The following PIK3R4 variants were observed in gnomAD, a reference collection of about 807,000 sequenced individuals.
The protein encoded by PIK3R4 is phosphoinositide 3-kinase regulatory subunit 4.
In PIK3R4, 46 loss-of-function variants were observed where a neutral mutation model predicts 136.5. The ratio of observed to expected loss-of-function variants is 0.34; its 90% CI spans 0.27 to 0.43. PIK3R4 has a LOEUF of 0.43. Among genes scored for constraint, PIK3R4 ranks in the 20% least tolerant of loss-of-function variants. PIK3R4 has a pLI of 1.00. For synonymous variants in PIK3R4, 557 were observed against 566.7 expected (o/e 0.98, Z 0.24); for missense variants, 1,331 against 1,649.5 (o/e 0.81, Z 3.35).
At chr3:130,738,465 C>T (rs949376960) in intron 2 of PIK3R4, among the ~76,000 whole-genome samples, 3 of 152,038 alleles carry the variant, frequency 2.0e-5, no homozygotes, top group Non-Finnish European at 4.4e-5. Flanking sequence ...ACAGAACACT[C>T]CACCCAACAA....
intron 16 of PIK3R4, among the ~76,000 whole-genome samples, chr3:130,682,119 T>C (rs1413964799): frequency 6.6e-6 from 1 of 152,184 alleles, no homozygotes; most frequent in Non-Finnish European, 1.5e-5. Flanking sequence ...TCCTATCCCC[T>C]GGAACCTGTG....
At chr3:130,718,169 A>G (rs577855960) in intron 8 of PIK3R4, among the ~76,000 whole-genome samples, 1 of 152,212 alleles carries the variant, frequency 6.6e-6, no homozygotes, top group Non-Finnish European at 1.5e-5. Context: ...TGTACGCTAC[A>G]TTAGATATAA....
intron 7 of PIK3R4, among the ~76,000 whole-genome samples, chr3:130,720,207 T>C (rs577502692): frequency 2.6e-5 from 4 of 152,194 alleles, no homozygotes; most frequent in Admixed American, 1.3e-4. Flanking sequence ...TCTTCCTTTT[T>C]TTTTTGAGAC....
Position 130,744,567 on chromosome 3 carries a change from G to T in PIK3R4, c.652C>A (p.Pro218Thr), listed in dbSNP as rs765942676. 3 of 1,614,026 alleles carry T rather than the reference G, an allele frequency of 1.9e-6. No individual in the cohort carries two copies. The highest frequency in any genetic ancestry group is 2.5e-6 in the Non-Finnish European group (3 of 1,180,014). The change falls in exon 2 of 20, where the codon CCT becomes ACT. Residue 218 changes from proline (P) to threonine (T), a missense_variant. Physicochemically the swap from Pro to Thr is conservative, Grantham distance 38. Transcript: ENST00000356763. Reference protein sequence around the residue: ...FATELEYMRDPSTPLVDLNSN... With the variant: ...FATELEYMRDTSTPLVDLNSN... Reference sequence around the variant, plus strand: ...TTTAAGTCTACAAGCGGAGTTGAAGGATCTCTCATATATTCTAACTCAGTG... The same window carrying T: ...TTTAAGTCTACAAGCGGAGTTGAAGTATCTCTCATATATTCTAACTCAGTG...
At position 130,728,686 on chromosome 3, in the gene PIK3R4, T is replaced by TTAAAA; in HGVS notation, c.1586-3_1586-2insTTTTA. ...CCATTTCATGTAAGGCTTGGAGCTC[T>TTAAAA]AAAAAAAAAAAAAAAAGAAAGAAAG... is the stretch of plus-strand genomic sequence containing the variant. On this transcript the variant is annotated splice_polypyrimidine_tract_variant and splice_region_variant and intron_variant, in intron 5 of 19. Coordinates refer to ENST00000356763, the MANE Select transcript of PIK3R4 (RefSeq NM_014602.3). 1 of 1,027,390 alleles carries TTAAAA rather than the reference T, an allele frequency of 9.7e-7. No individual in the cohort carries two copies. Among genetic ancestry groups the TTAAAA allele is most frequent in the Non-Finnish European group, 1.3e-6 (1 of 770,278 alleles). The allele number at this position is 1,027,390 out of a possible 1,614,324, so 63.6% of individuals were successfully genotyped here.
intron 5 of PIK3R4, among the ~76,000 whole-genome samples, chr3:130,728,967 T>C (rs1446655036): frequency 2.6e-5 from 4 of 152,116 alleles, no homozygotes; most frequent in Non-Finnish European, 2.9e-5. Context: ...AAGGAGAAAA[T>C]TATAGAGAAG....
intron 13 of PIK3R4, among the ~76,000 whole-genome samples, chr3:130,695,010 CT>C (rs1478348650): frequency 6.6e-6 from 1 of 152,122 alleles, no homozygotes; most frequent in African/African-American, 2.4e-5. Flanking sequence ...TTGTCAAATA[CT>C]TTCTGAGAGT....
At chr3:130,726,398 C>T (rs1332942716) in intron 6 of PIK3R4, among the ~76,000 whole-genome samples, 2 of 152,070 alleles carry the variant, frequency 1.3e-5, no homozygotes, top group African/African-American at 4.8e-5. Context: ...CCCCCAACAA[C>T]CAGTAAGACA....
chr3:130,684,869 A>G (rs72998207), intron 15 of PIK3R4, among the ~76,000 whole-genome samples: 1,847 of 152,304 alleles, frequency 0.012, 52 homozygotes, highest in African/African-American at 0.041. Context: ...TTCTATAGAC[A>G]GGTATGTTAC....
chr3:130,690,136 T>G (rs559811635), intron 14 of PIK3R4, among the ~76,000 whole-genome samples: 4 of 152,216 alleles, frequency 2.6e-5, no homozygotes, highest in South Asian at 2.1e-4. Context: ...TCAGGCAGAG[T>G]TGTGTTTTTA....
chr3:130,690,634 C>T lies in PIK3R4; in HGVS notation c.3119G>A (p.Arg1040Gln), dbSNP rs770940364. Residue 1040 changes from arginine (R) to glutamine (Q), a missense_variant, in exon 14 of 20, where the codon CGA becomes CAA. By Grantham distance (43) the Arg-to-Gln change is conservative. This residue lies in a region of PIK3R4 where 1,180 missense variants were observed against 1,407.0 expected (regional missense o/e 0.84). Coordinates refer to ENST00000356763, the MANE Select transcript of PIK3R4 (RefSeq NM_014602.3). ...GAGCGTCTTGACTCGTCCTCCAATT[C>T]GGCTGTATGTAAGAATAGATCTGAA... ...TTTRSILTYS[R>Q]IGGRVKTLTF... is the part of the protein sequence containing the mutation. The T allele has an allele frequency of 3.1e-6, 5 of 1,607,064 alleles. No homozygotes were observed. Among genetic ancestry groups the T allele is most frequent in the East Asian group, 2.2e-5 (1 of 44,786 alleles).
rs1287295811 is a variant in PIK3R4, at chr3:130,730,405, G to T, written c.1488C>A (p.Phe496Leu). 6.3e-7 allele frequency: 1 copy of T among 1,597,978 alleles called. No individual in the cohort carries two copies. Among genetic ancestry groups the T allele is most frequent in the South Asian group, 1.1e-5 (1 of 87,916 alleles). Residue 496 changes from phenylalanine to leucine, a missense_variant, in exon 5 of 20, where the codon TTC (phenylalanine) becomes TTA (leucine). Transcript: ENST00000356763. Reference sequence around the variant, plus strand: ...GATTTTTTAACTGTACTAATTCCAGGAATCTCAGAGCTGTTTCTGCCAGCA... The same window carrying T: ...GATTTTTTAACTGTACTAATTCCAGTAATCTCAGAGCTGTTTCTGCCAGCA... ...IALLAETALR[F>L]LELVQLKNLN...
At chr3:130,730,166 T>C in intron 5 of PIK3R4, 142 bp downstream of exon 5, 2 of 614,622 alleles carry the variant, frequency 3.3e-6, no homozygotes, top group Non-Finnish European at 5.4e-6. Flanking sequence ...AGAGAATAAT[T>C]AGACACCAGG....
At chr3:130,734,221 A>G (rs1228791349) in intron 3 of PIK3R4, 91 bp from the exon 4 acceptor site, 1 of 1,053,754 alleles carries the variant, frequency 9.5e-7, no homozygotes, top group African/African-American at 1.6e-5. Context: ...CATACGATTT[A>G]AAGGATCTTT....
chr3:130,710,619 A>T (rs1394995160), intron 9 of PIK3R4, among the ~76,000 whole-genome samples: 1 of 152,164 alleles, frequency 6.6e-6, no homozygotes, highest in African/African-American at 2.4e-5. Flanking sequence ...GAAAAAAATG[A>T]ATAAAATAGT....
chr3:130,733,601 C>A lies in PIK3R4; in HGVS notation c.1397G>T (p.Gly466Val), dbSNP rs1445094808. The A allele has an allele frequency of 6.2e-7, 1 of 1,614,040 alleles. No homozygotes were observed. The change falls in exon 4 of 20, where the codon GGC becomes GTC. Residue 466 changes from glycine to valine, a missense_variant. By Grantham distance (109) the Gly-to-Val change is moderately radical. Around this residue, in one of 2 missense-constraint regions of PIK3R4, gnomAD observed 1,180 missense variants for 1,407.0 expected, o/e 0.84. Coordinates refer to ENST00000356763, the MANE Select transcript of PIK3R4 (RefSeq NM_014602.3). ...INIYPEYILP[G>V]IAHLAQDDAT... ...ATCATCTTGGGCTAAGTGGGCTATGCCTGGCAGAATGTATTCCGGATAAAT... is the reference window on the plus strand; with the variant it reads ...ATCATCTTGGGCTAAGTGGGCTATGACTGGCAGAATGTATTCCGGATAAAT...
intron 13 of PIK3R4, among the ~76,000 whole-genome samples, chr3:130,692,349 T>C (rs1220790314): frequency 6.6e-6 from 1 of 152,218 alleles, no homozygotes; most frequent in Admixed American, 6.5e-5. Flanking sequence ...CTCATACCCA[T>C]TAGCATTCAT....
chr3:130,694,250 G>C (rs996132414), intron 13 of PIK3R4, among the ~76,000 whole-genome samples: 2 of 151,440 alleles, frequency 1.3e-5, no homozygotes, highest in Admixed American at 1.3e-4. Context: ...TATTGTTTTG[G>C]TTATTCTGAG....
At chr3:130,694,158 C>T (rs757221274) in intron 13 of PIK3R4, among the ~76,000 whole-genome samples, 1 of 152,108 alleles carries the variant, frequency 6.6e-6, no homozygotes, top group Non-Finnish European at 1.5e-5. Flanking sequence ...ACCCGTACTA[C>T]ACTGTCTTAA....
Sources: allele counts gnomAD v4.1 joint callset (sites outside exome capture counted in the v4.1 genomes callset), GRCh38; gene constraint gnomAD v4.1.1; regional missense constraint gnomAD v4.1.1; transcripts MANE v1.5; gene names NCBI Gene and HGNC (gene_info 2026-07-23, HGNC 2026-07-21).